KIF26B: variants seen among roughly 807,000 people sequenced by gnomAD.
KIF26B encodes kinesin-like protein KIF26B.
In KIF26B, 63 loss-of-function variants were observed where a neutral mutation model predicts 151.2. The observed-to-expected ratio is 0.42, with a 90% CI of 0.34 to 0.51. The LOEUF is 0.51. Among genes scored for constraint, KIF26B ranks in the 20% least tolerant of loss-of-function variants. The pLI is 0.07. For synonymous variants in KIF26B, 1,357 were observed against 1,262.1 expected, an observed-to-expected ratio of 1.08 and a Z score of -1.59; for missense variants, 2,813 against 2,913.6, an observed-to-expected ratio of 0.97 and a Z score of 0.79.
At chr1:245,428,233 G>A (rs1053274650) in intron 4 of KIF26B, among the ~76,000 whole-genome samples, 4 of 152,166 alleles carry the variant, frequency 2.6e-5, no homozygotes, top group Admixed American at 2.0e-4. Context: ...TCTTGGAAAA[G>A]AAGGGACTCT....
At chr1:245,337,258 A>G (rs994670866) in intron 2 of KIF26B, among the ~76,000 whole-genome samples, 1 of 143,140 alleles carries the variant, frequency 7.0e-6, no homozygotes, top group Non-Finnish European at 1.6e-5. Context: ...TGCAACCTCT[A>G]CCTCCTGGGT....
chr1:245,684,544 C>T (rs2147952620), intron 11 of KIF26B, 149 bp downstream of exon 11: 2 of 832,838 alleles, frequency 2.4e-6, no homozygotes, highest in East Asian at 5.4e-5. Flanking sequence ...GCTCAGGGTC[C>T]ACTTTGGGGC....
At chr1:245,210,971 C>T (rs753484873) in intron 2 of KIF26B, among the ~76,000 whole-genome samples, 5 of 152,156 alleles carry the variant, frequency 3.3e-5, no homozygotes, top group East Asian at 1.9e-4. Context: ...GACACCACAG[C>T]GTTATTTGTC....
chr1:245,684,747 G>A (rs1433881024), intron 11 of KIF26B, among the ~76,000 whole-genome samples: 4 of 152,230 alleles, frequency 2.6e-5, no homozygotes, highest in African/African-American at 7.2e-5. Context: ...TCGGTCCTGC[G>A]TAGGTGGAGA....
In KIF26B at chr1:245,393,867, C is replaced by T. The variant is rs143151029; in HGVS notation, c.1000-25712C>T. Among the ~76,000 whole-genome samples, 150 of 152,302 alleles carry T rather than the reference C, an allele frequency of 9.8e-4. 1 individual carries two copies. The highest frequency in any genetic ancestry group is 3.6e-3 in the African/African-American group (148 of 41,570). ...TAGCCTAGATGCCCTGGGTGTTATT[C>T]TCTCCAAGAACAAACCTTTAATCTC... On this transcript the variant is annotated intron_variant, in intron 3 of 14. Coordinates refer to ENST00000407071, the MANE Select transcript of KIF26B (RefSeq NM_018012.4).
At chr1:245,411,103 C>T (rs1674270431) in intron 3 of KIF26B, among the ~76,000 whole-genome samples, 1 of 152,220 alleles carries the variant, frequency 6.6e-6, no homozygotes, top group African/African-American at 2.4e-5. Flanking sequence ...GCTGCAATGT[C>T]TACTGAGACG....
chr1:245,522,301 C>T (rs1661145827), intron 4 of KIF26B, among the ~76,000 whole-genome samples: 2 of 152,194 alleles, frequency 1.3e-5, no homozygotes, highest in Non-Finnish European at 2.9e-5. Context: ...AATGATACTG[C>T]CTATGCCCAA....
intron 3 of KIF26B, among the ~76,000 whole-genome samples, chr1:245,398,993 C>T (rs1348303032): frequency 6.6e-6 from 1 of 152,036 alleles, no homozygotes; most frequent in Non-Finnish European, 1.5e-5. Flanking sequence ...TGTCACGTAG[C>T]CAGAGTACAC....
intron 3 of KIF26B, among the ~76,000 whole-genome samples, chr1:245,388,437 C>T (rs149368674): frequency 3.3e-5 from 5 of 152,358 alleles, no homozygotes; most frequent in East Asian, 1.9e-4. Context: ...GTCACATTGA[C>T]GTCCCAGTCC....
At chr1:245,679,457 G>GTTTTTTTTTTTTTTTTTTTTTTT (rs35663208) in intron 10 of KIF26B, among the ~76,000 whole-genome samples, 1 of 59,176 alleles carries the variant, frequency 1.7e-5, no homozygotes, top group Non-Finnish European at 3.2e-5. Context: ...TTTTGTGTGT[G>GTTTTTTTTTTTTTTTTTTTTTTT]TTTTTTTTTT....
At chr1:245,421,750 G>A (rs1658492661) in intron 4 of KIF26B, among the ~76,000 whole-genome samples, 2 of 152,082 alleles carry the variant, frequency 1.3e-5, no homozygotes, top group African/African-American at 2.4e-5. Flanking sequence ...AGGAGAACAT[G>A]AGTTCTCCTT....
At position 245,665,653 on chromosome 1, in the gene KIF26B, T is replaced by A. The variant is rs1017079648; in HGVS notation, c.2259-18580T>A. ...CTCAGTTATGAATTACATAGGTACA[T>A]CAATTACAGGTACATTTCAGCATAA... On this transcript the variant is annotated intron_variant, in intron 10 of 14. Transcript: ENST00000407071. Among the ~76,000 whole-genome samples the A allele has an allele frequency of 8.5e-5, 13 of 152,324 alleles. No individual in the cohort carries two copies. In the East Asian group the frequency reaches 9.6e-4, roughly 11 times the overall value.
intron 10 of KIF26B, among the ~76,000 whole-genome samples, chr1:245,680,915 CTG>C (rs2147949197): frequency 6.6e-6 from 1 of 152,272 alleles, no homozygotes; most frequent in African/African-American, 2.4e-5. Context: ...CTCCTTAGCA[CTG>C]TGTTTTTCAT....
At chr1:245,364,270 AAAG>A (rs1248974464) in intron 2 of KIF26B, among the ~76,000 whole-genome samples, 5 of 152,068 alleles carry the variant, frequency 3.3e-5, no homozygotes, top group African/African-American at 9.7e-5. Flanking sequence ...ACAAGGAAGA[AAAG>A]AGAAGAGGGG....
chr1:245,370,721 G>A (rs1051494010), intron 3 of KIF26B: 9 of 433,406 alleles, frequency 2.1e-5, no homozygotes, highest in African/African-American at 1.2e-4. Context: ...TGTGTAAGTC[G>A]GAAACACTGA....
intron 2 of KIF26B, among the ~76,000 whole-genome samples, chr1:245,283,791 G>T (rs1307443508): frequency 1.3e-5 from 2 of 150,906 alleles, no homozygotes; most frequent in African/African-American, 4.9e-5. Flanking sequence ...GGGTTCAAGC[G>T]ATTCTCCTGC....
intron 4 of KIF26B, among the ~76,000 whole-genome samples, chr1:245,423,516 C>T (rs1423840163): frequency 1.3e-5 from 2 of 151,180 alleles, no homozygotes; most frequent in African/African-American, 2.4e-5. Flanking sequence ...CTGATGATTG[C>T]TTATAAAACA....
chr1:245,579,503 A>G (rs1490614425), intron 5 of KIF26B, among the ~76,000 whole-genome samples: 49 of 152,034 alleles, frequency 3.2e-4, no homozygotes, highest in Non-Finnish European at 5.9e-5. Flanking sequence ...GTCTCTAAAA[A>G]AAGAAAATTT....
At chr1:245,171,505 T>C (rs890574386) in intron 2 of KIF26B, among the ~76,000 whole-genome samples, 2 of 151,986 alleles carry the variant, frequency 1.3e-5, no homozygotes, top group Admixed American at 6.6e-5. Flanking sequence ...GATCGCGCCA[T>C]TGCACTCCAG....
Sources: allele counts gnomAD v4.1 joint callset (sites outside exome capture counted in the v4.1 genomes callset), GRCh38; gene constraint gnomAD v4.1.1; transcripts MANE v1.5; gene names NCBI Gene and HGNC (gene_info 2026-07-23, HGNC 2026-07-21).